The following GTF2E2 variants were observed in gnomAD, a reference collection of about 807,000 sequenced individuals.
GTF2E2 encodes general transcription factor IIE subunit 2.
A neutral mutation model predicts 40.5 loss-of-function variants in GTF2E2; 21 were observed. The observed-to-expected ratio is 0.52, with a 90% CI of 0.37 to 0.75. GTF2E2 has a LOEUF of 0.75. Ranked by LOEUF, GTF2E2 falls within the 30% of genes least tolerant of loss-of-function variation. The pLI is 0.00. For synonymous variants in GTF2E2, 117 were observed against 121.6 expected, an observed-to-expected ratio of 0.96 and a Z score of 0.25; for missense variants, 298 against 338.4, an observed-to-expected ratio of 0.88 and a Z score of 0.94.
chr8:30,645,048 C>T (rs1802016784), intron 2 of GTF2E2, among the ~76,000 whole-genome samples: 1 of 152,128 alleles, frequency 6.6e-6, no homozygotes, highest in Non-Finnish European at 1.5e-5. Flanking sequence ...CCATGCCTGG[C>T]CTGAATCTTA....
At position 30,621,875 on chromosome 8, in the gene GTF2E2, G is replaced by A. The variant is rs373703488; in HGVS notation, c.259-7160C>T. On this transcript the variant is annotated intron_variant, in intron 3 of 7. Coordinates refer to ENST00000355904, the MANE Select transcript of GTF2E2 (RefSeq NM_002095.6). ...CAGTACAATACAGAACAAAAGGTGT[G>A]ACAATTTGGTATCCTTGTCTTTTTC... 9.9e-5 allele frequency among the ~76,000 whole-genome samples: 15 copies of A among 152,086 alleles called. 1 individual carries two copies. Among genetic ancestry groups the A allele is most frequent in the African/African-American group, 3.6e-4 (15 of 41,424 alleles).
chr8:30,606,025 ACTGAAAGCAATATAAAAAT>A (rs1278556924), intron 6 of GTF2E2, among the ~76,000 whole-genome samples: 1 of 152,200 alleles, frequency 6.6e-6, no homozygotes, highest in Non-Finnish European at 1.5e-5. Context: ...AGTAACGAAG[ACTGAAAGCAATATAAAAAT>A]CGCCAGGCAG....
intron 3 of GTF2E2, among the ~76,000 whole-genome samples, chr8:30,617,096 C>T (rs534274997): frequency 1.3e-5 from 2 of 151,764 alleles, no homozygotes; most frequent in East Asian, 3.9e-4. Flanking sequence ...GTTATTTATC[C>T]AAAACAAAAA....
chr8:30,614,346 G>A (rs575971465), intron 4 of GTF2E2, among the ~76,000 whole-genome samples: 2 of 152,094 alleles, frequency 1.3e-5, no homozygotes, highest in East Asian at 1.9e-4. Context: ...CTGGGAGGCC[G>A]AGGTGGGCGG....
chr8:30,638,116 A>C (rs1336125763), intron 2 of GTF2E2, among the ~76,000 whole-genome samples: 1 of 152,182 alleles, frequency 6.6e-6, no homozygotes, highest in Non-Finnish European at 1.5e-5. Flanking sequence ...TCCTAAATCA[A>C]ACCACCACAT....
At chr8:30,636,788 G>A (rs1203628232) in intron 2 of GTF2E2, 3 of 269,998 alleles carry the variant, frequency 1.1e-5, no homozygotes. Context: ...GAGAGTTGGA[G>A]GTTGCAGTGA....
chr8:30,619,561 G>A (rs1299499709), intron 3 of GTF2E2, among the ~76,000 whole-genome samples: 2 of 151,014 alleles, frequency 1.3e-5, no homozygotes, highest in African/African-American at 2.5e-5. Flanking sequence ...GCTAATTTTT[G>A]TATTTTTAGT....
chr8:30,653,697 A>G (rs1055470803), intron 1 of GTF2E2, 95 bp from the exon 2 acceptor site: 2 of 813,536 alleles, frequency 2.5e-6, no homozygotes, highest in Non-Finnish European at 3.9e-6. Flanking sequence ...TCCCAAACAA[A>G]ATTACCTTTT....
chr8:30,648,258 A>G (rs1455162603), intron 2 of GTF2E2, among the ~76,000 whole-genome samples: 1 of 152,222 alleles, frequency 6.6e-6, no homozygotes, highest in African/African-American at 2.4e-5. Flanking sequence ...ACCACACCTA[A>G]GAGATAATTA....
At chr8:30,612,214 A>G in intron 5 of GTF2E2, 85 bp downstream of exon 5, 1 of 904,748 alleles carries the variant, frequency 1.1e-6, no homozygotes, top group Non-Finnish European at 1.7e-6. Flanking sequence ...TTTAAAAACA[A>G]TTGTAAAATG....
chr8:30,595,673 T>C (rs1160900963), intron 6 of GTF2E2, among the ~76,000 whole-genome samples: 1 of 151,926 alleles, frequency 6.6e-6, no homozygotes, highest in South Asian at 2.1e-4. Context: ...CTACTAGAAA[T>C]ACAAAAAAAT....
At chr8:30,579,641 G>A (rs1828451423) in intron 7 of GTF2E2, among the ~76,000 whole-genome samples, 1 of 152,148 alleles carries the variant, frequency 6.6e-6, no homozygotes, top group Admixed American at 6.5e-5. Flanking sequence ...AGACACAGGT[G>A]ACAAGCTATG....
At chr8:30,580,913 G>A (rs1828499356) in intron 6 of GTF2E2, among the ~76,000 whole-genome samples, 2 of 152,126 alleles carry the variant, frequency 1.3e-5, no homozygotes, top group African/African-American at 4.8e-5. Context: ...GGAAAGGGGG[G>A]ATGGCTGAAA....
At chr8:30,630,904 C>T (rs1040930162) in intron 3 of GTF2E2, among the ~76,000 whole-genome samples, 1 of 152,124 alleles carries the variant, frequency 6.6e-6, no homozygotes, top group Non-Finnish European at 1.5e-5. Context: ...AACCATTCCC[C>T]CTACACCCCC....
chr8:30,589,181 C>CA (rs1369959156), intron 6 of GTF2E2, among the ~76,000 whole-genome samples: 1 of 152,120 alleles, frequency 6.6e-6, no homozygotes, highest in Non-Finnish European at 1.5e-5. Flanking sequence ...CACTTGAATC[C>CA]AGGAAGCAGA....
chr8:30,646,570 C>A (rs1320842331), intron 2 of GTF2E2, among the ~76,000 whole-genome samples: 1 of 152,156 alleles, frequency 6.6e-6, no homozygotes, highest in East Asian at 1.9e-4. Context: ...GCACTTAGTT[C>A]AAATGTACAA....
At chr8:30,640,496 A>T (rs1198110280) in intron 2 of GTF2E2, among the ~76,000 whole-genome samples, 3 of 152,228 alleles carry the variant, frequency 2.0e-5, no homozygotes, top group Non-Finnish European at 4.4e-5. Flanking sequence ...CTAAAAAAAA[A>T]TTATGTGATT....
At chr8:30,656,133 C>G (rs772372180) in intron 1 of GTF2E2, among the ~76,000 whole-genome samples, 5 of 152,118 alleles carry the variant, frequency 3.3e-5, no homozygotes, top group Admixed American at 6.6e-5. Flanking sequence ...ATTCCTAAAG[C>G]CACCTGGCTA....
chr8:30,651,234 G>T (rs1427712337), intron 2 of GTF2E2, among the ~76,000 whole-genome samples: 2 of 151,824 alleles, frequency 1.3e-5, no homozygotes, highest in African/African-American at 4.8e-5. Flanking sequence ...GTTCACACCG[G>T]AAAGAAAGAA....
Sources: gnomAD v4.1 joint callset for allele counts (sites outside exome capture counted in the v4.1 genomes callset) on GRCh38, gnomAD v4.1.1 for gene constraint, MANE v1.5 for transcripts, NCBI Gene and HGNC (gene_info 2026-07-23, HGNC 2026-07-21) for gene names.